Variants in CEP170B observed in about 807,000 individuals in gnomAD.
CEP170B encodes centrosomal protein 170B, also known as centrosomal protein of 170 kDa protein B.
Under a neutral mutation model 120.6 loss-of-function variants are expected in CEP170B, and 55 were observed. That is an observed-to-expected ratio of 0.46 (90% CI 0.37 to 0.57). The LOEUF (loss-of-function observed/expected upper bound fraction) is 0.57, where lower values mean the gene tolerates loss of function less well. Ranked by LOEUF, CEP170B falls within the 20% of genes least tolerant of loss-of-function variation. The pLI is 0.00. For missense variants in CEP170B, 2,212 were observed against 2,253.3 expected (o/e 0.98, Z 0.37); for synonymous variants, 1,033 against 954.5 (o/e 1.08, Z -1.52).
chr14:104,867,328 G>A lies in CEP170B; in HGVS notation c.-27-1096G>A, dbSNP rs961224985. Among the ~76,000 whole-genome samples, 5 of 152,170 alleles carry A rather than the reference G, an allele frequency of 3.3e-5. No individual in the cohort carries two copies. Among genetic ancestry groups the A allele is most frequent in the African/African-American group, 1.2e-4 (5 of 41,442 alleles). ...CCACCCCTGTCCTGCTGAGCCTGGA[G>A]GCTGCCTCCCAGTGAGCCCCCATCC... On this transcript the variant is annotated intron_variant, in intron 1 of 18. Transcript: ENST00000414716. The surrounding 1 kb of genome is among the most constrained non-coding windows in gnomAD (Gnocchi z 5.4).
At chr14:104,885,294 G>T (rs532547844) in intron 9 of CEP170B, 75 bp from the exon 10 acceptor site, 2 of 1,439,282 alleles carry the variant, frequency 1.4e-6, no homozygotes, top group East Asian at 5.2e-5. Flanking sequence ...TGGCCTGGGG[G>T]TGGCCAGTGT....
Position 104,893,725 on chromosome 14 carries a change from C to T in CEP170B, c.4183-36C>T, listed in dbSNP as rs1441354753. On this transcript the variant is annotated intron_variant, in intron 15 of 18. Coordinates refer to ENST00000414716, the MANE Select transcript of CEP170B (RefSeq NM_001112726.3). ...TGGGGGGAGCAGGGGCGGGGCTCCT[C>T]GAGGGCGGGGCCATGCTGAGGCCGG... The T allele has an allele frequency of 1.1e-5, 17 of 1,589,082 alleles. No individual in the cohort carries two copies. The East Asian group carries it at 2.1e-4, about 19-fold the overall frequency.
rs1897080970 is a variant in CEP170B at position 104,896,510 on chromosome 14, T to C, written c.*1552T>C. 6.7e-6 allele frequency: 3 copies of C among 447,586 alleles called. No individual in the cohort carries two copies. The highest frequency in any genetic ancestry group is 1.3e-5 in the Non-Finnish European group (3 of 222,820). The allele number at this position is 447,586 out of a possible 1,614,324, so 27.7% of individuals were successfully genotyped here. A position where few individuals can be genotyped will look rare whatever the true frequency, so the allele number is the denominator to read the frequency against. On this transcript the variant is annotated 3_prime_UTR_variant, in exon 19 of 19. Transcript: ENST00000414716. ...TTCATCCACGGCTCCTTCCCACCCCTCGGCAGTGGCTGTGCAATGTTTTAA... is the reference window on the plus strand; with the variant it reads ...TTCATCCACGGCTCCTTCCCACCCCCCGGCAGTGGCTGTGCAATGTTTTAA...
Position 104,887,935 on chromosome 14 carries a change from G to A in CEP170B, c.3696G>A (p.Gln1232=). The stretch of plus-strand genomic sequence containing the variant: ...CAGCCACCACCACGGGTCCCCGCCA[G>A]CCCTTCAGCAGGGCCCGCTCAGGCA... ...ANTATTTGPR[Q]PFSRARSGSA... The change falls in exon 12 of 19, where the codon CAG becomes CAA. Residue 1232 remains glutamine, a synonymous_variant. Coordinates refer to ENST00000414716, the MANE Select transcript of CEP170B (RefSeq NM_001112726.3). 10 of 1,544,088 alleles carry A rather than the reference G, an allele frequency of 6.5e-6. No individual in the cohort carries two copies. Among genetic ancestry groups the A allele is most frequent in the Non-Finnish European group, 8.7e-6 (10 of 1,149,702 alleles).
intron 3 of CEP170B, among the ~76,000 whole-genome samples, chr14:104,877,291 G>A (rs1005300736): frequency 4.6e-5 from 7 of 152,184 alleles, no homozygotes; most frequent in Non-Finnish European, 8.8e-5. Flanking sequence ...GAGGGTCCCC[G>A]GGGTTGTTGG....
intron 12 of CEP170B, among the ~76,000 whole-genome samples, 158 bp downstream of exon 12, chr14:104,888,136 C>T (rs1041555084): frequency 1.3e-5 from 2 of 152,226 alleles, no homozygotes; most frequent in African/African-American, 2.4e-5. Context: ...GCTGGACTCA[C>T]GTGCACACAC....
Position 104,884,048 on chromosome 14 carries a change from G to T in CEP170B, c.1269G>T (p.Thr423=). Residue 423 remains threonine, a synonymous_variant, in exon 9 of 19, where the codon ACG becomes ACT. Coordinates refer to ENST00000414716, the MANE Select transcript of CEP170B (RefSeq NM_001112726.3). ...TPRKKRSQSF[T]HSPSGDPKAD... ...GAAAGAAGCGCTCCCAGTCCTTCAC[G>T]CACAGCCCGTCCGGGGACCCCAAGG... The T allele has an allele frequency of 6.2e-7, 1 of 1,609,478 alleles. No homozygotes were observed. The highest frequency in any genetic ancestry group is 8.5e-7 in the Non-Finnish European group (1 of 1,178,160).
chr14:104,886,577 A>G lies in CEP170B; in HGVS notation c.2338A>G (p.Ser780Gly), dbSNP rs1896521341. The G allele has an allele frequency of 6.6e-7, 1 of 1,513,050 alleles. No individual in the cohort carries two copies. Among genetic ancestry groups the G allele is most frequent in the African/African-American group, 1.4e-5 (1 of 71,656 alleles). 93.7% of individuals were successfully genotyped at this position (1,513,050 alleles called of 1,614,324 possible). ...GAGCCCCCAGGAGGGGCCCACGTGG[A>G]GCAGGGGTCGGCGCTCACCAAGGGC... ...RRSPQEGPTW[S>G]RGRRSPRAPG... The change falls in exon 12 of 19, where the codon AGC becomes GGC. Residue 780 changes from serine (S) to glycine (G), a missense_variant. Physicochemically the swap from Ser to Gly is moderately conservative, Grantham distance 56. Around this residue, in one of 2 missense-constraint regions of CEP170B, gnomAD observed 2,166 missense variants for 2,166.7 expected, o/e 1.00. Transcript: ENST00000414716.
At chr14:104,869,437 G>A (rs1400946620) in intron 2 of CEP170B, among the ~76,000 whole-genome samples, 1 of 152,198 alleles carries the variant, frequency 6.6e-6, no homozygotes, top group Non-Finnish European at 1.5e-5. Flanking sequence ...AGGCTCTGAC[G>A]AGGTGGGCAG....
At chr14:104,882,610 G>C in intron 6 of CEP170B, 118 bp from the exon 7 acceptor site, 1 of 752,018 alleles carries the variant, frequency 1.3e-6, no homozygotes, top group Non-Finnish European at 2.1e-6. Flanking sequence ...ACAGGGCCAA[G>C]CTGGGAGGTG....
rs771925178 is a variant in CEP170B at position 104,886,744 on chromosome 14, C to G, written c.2505C>G (p.Gly835=). 6.2e-7 allele frequency: 1 copy of G among 1,609,844 alleles called. No individual in the cohort carries two copies. Among genetic ancestry groups the G allele is most frequent in the East Asian group, 2.2e-5 (1 of 44,856 alleles). ...TAQPSPPARD[G]VYVSANGRMV... is the part of the protein sequence containing the mutation. ...AGCCCAGCCCCCCAGCACGGGATGG[C>G]GTCTATGTCAGTGCCAATGGGAGAA... The change falls in exon 12 of 19, where the codon GGC becomes GGG. Residue 835 remains glycine, a synonymous_variant. Coordinates refer to ENST00000414716, the MANE Select transcript of CEP170B (RefSeq NM_001112726.3).
intron 10 of CEP170B, 30 bp from the exon 11 acceptor site, chr14:104,886,010 G>T (rs1896472668): frequency 6.6e-7 from 1 of 1,507,302 alleles, no homozygotes; most frequent in South Asian, 1.2e-5. Flanking sequence ...GGGCTTGCGT[G>T]TGGAAACACT....
At position 104,887,606 on chromosome 14, in the gene CEP170B, G is replaced by C; in HGVS notation, c.3367G>C (p.Ala1123Pro). Reference protein sequence around the residue: ...NSLSTPRPTRASRLRRARLGD... With the variant: ...NSLSTPRPTRPSRLRRARLGD... ...CCTGTCCACCCCTCGCCCCACACGG[G>C]CCTCCCGGCTGAGGCGGGCCCGGCT... The change falls in exon 12 of 19, where the codon GCC becomes CCC. Residue 1123 changes from alanine (A) to proline (P), a missense_variant. Around this residue, in one of 2 missense-constraint regions of CEP170B, gnomAD observed 2,166 missense variants for 2,166.7 expected, o/e 1.00. Coordinates refer to ENST00000414716, the MANE Select transcript of CEP170B (RefSeq NM_001112726.3). 6.3e-7 allele frequency: 1 copy of C among 1,583,332 alleles called. No individual in the cohort carries two copies. Among genetic ancestry groups the C allele is most frequent in the Non-Finnish European group, 8.6e-7 (1 of 1,166,226 alleles).
Position 104,878,501 on chromosome 14 carries a change from G to T in CEP170B, c.333G>T (p.Lys111Asn). 6.2e-7 allele frequency: 1 copy of T among 1,610,812 alleles called. No homozygotes were observed. Among genetic ancestry groups the T allele is most frequent in the South Asian group, 1.1e-5 (1 of 91,042 alleles). The change falls in exon 5 of 19, where the codon AAG (lysine) becomes AAT (asparagine). Residue 111 changes from lysine to asparagine, a missense_variant and splice_region_variant. Physicochemically the swap from Lys to Asn is moderately conservative, Grantham distance 94. Transcript: ENST00000414716. ...VQHRVPEEAL[K>N]HEKYTSQLQV... ...ACCGAGTCCCGGAGGAGGCACTCAA[G>T]GTTAGTGCTGGCCAAGCCCGGGTGG...
rs376671128 is a variant in CEP170B, at chr14:104,886,836, A to G, written c.2597A>G (p.Gln866Arg). The part of the protein sequence containing the change: ...PDGPAPAFLR[Q>R]ESFTKEPASG... ...GGCCCTGCCCCAGCCTTTCTCCGGC[A>G]AGAGAGCTTCACTAAGGAGCCAGCC... The change falls in exon 12 of 19, where the codon CAA (glutamine) becomes CGA (arginine). Residue 866 changes from glutamine (Q) to arginine (R), a missense_variant. By Grantham distance (43) the Gln-to-Arg change is conservative. Around this residue, in one of 2 missense-constraint regions of CEP170B, gnomAD observed 2,166 missense variants for 2,166.7 expected, o/e 1.00. Coordinates refer to ENST00000414716, the MANE Select transcript of CEP170B (RefSeq NM_001112726.3). The G allele has an allele frequency of 6.9e-5, 111 of 1,611,038 alleles. No individual in the cohort carries two copies. Among genetic ancestry groups the G allele is most frequent in the Non-Finnish European group, 7.0e-5 (83 of 1,179,836 alleles).
chr14:104,879,469 A>G lies in CEP170B; in HGVS notation c.334-818A>G, dbSNP rs564817935. 8.4e-4 allele frequency among the ~76,000 whole-genome samples: 128 copies of G among 152,186 alleles called. 2 individuals carry two copies. The highest frequency in any genetic ancestry group is 2.9e-3 in the African/African-American group (119 of 41,514). On this transcript the variant is annotated intron_variant, in intron 5 of 18. Transcript: ENST00000414716. ...GGGATCTGAGGTCTCCTGGGCTGAA[A>G]TCTGAAGGTCTTAGGCTGAGGGTTT...
At chr14:104,878,317 G>C in intron 4 of CEP170B, 126 bp from the exon 5 acceptor site, 1 of 952,044 alleles carries the variant, frequency 1.1e-6, no homozygotes, top group South Asian at 1.5e-5. Flanking sequence ...GCCTCCCCGG[G>C]AAGAAAGAGG....
chr14:104,887,776 CT>C lies in CEP170B; in HGVS notation c.3539del (p.Phe1180SerfsTer115). 1 of 1,584,370 alleles carries C rather than the reference CT, an allele frequency of 6.3e-7. No homozygotes were observed. The highest frequency in any genetic ancestry group is 8.6e-7 in the Non-Finnish European group (1 of 1,167,046). On this transcript the variant is annotated frameshift_variant, in exon 12 of 19. Coordinates refer to ENST00000414716, the MANE Select transcript of CEP170B (RefSeq NM_001112726.3). LOFTEE classifies it high-confidence loss of function. ...LAMPRKRAGS[F>X]TGTSDPEAAP... ...CCATGCCCCGGAAGCGGGCCGGCTC[CT>C]TCACAGGGACTAGTGACCCCGAGGC...
rs1296066818 is a variant in CEP170B at position 104,891,424 on chromosome 14, C to T, written c.3879-1552C>T. On this transcript the variant is annotated intron_variant, in intron 13 of 18. Transcript: ENST00000414716. The surrounding 1 kb of genome is among the most constrained non-coding windows in gnomAD (Gnocchi z 4.3). ...CATGAGGGACCTGGAAGGAGGTGGC[C>T]AGGAGCAGGCGGCCCTTAGAGAGTG... 1.3e-5 allele frequency among the ~76,000 whole-genome samples: 2 copies of T among 151,996 alleles called. No homozygotes were observed. Among genetic ancestry groups the T allele is most frequent in the Non-Finnish European group, 2.9e-5 (2 of 68,006 alleles).
Sources: allele counts gnomAD v4.1 joint callset (sites outside exome capture counted in the v4.1 genomes callset), GRCh38; gene constraint gnomAD v4.1.1; regional missense constraint gnomAD v4.1.1; non-coding constraint Gnocchi (gnomAD v3.1); transcripts MANE v1.5; gene names NCBI Gene and HGNC (gene_info 2026-07-23, HGNC 2026-07-21).